Variants in CTNND2 observed in about 807,000 individuals in gnomAD.
CTNND2 encodes the protein catenin delta-2.
A neutral mutation model predicts 144.4 loss-of-function variants in CTNND2; 22 were observed. The ratio of observed to expected loss-of-function variants is 0.15; its 90% CI spans 0.11 to 0.22. CTNND2 has a LOEUF of 0.22. CTNND2 is among the 10% of genes least tolerant of loss of function. The probability of loss-of-function intolerance (pLI) is 1.00; values close to 1 mark genes in which losing one functional copy is unlikely to be tolerated. For synonymous variants in CTNND2, 751 were observed against 695.6 expected (o/e 1.08, Z -1.25); for missense variants, 1,353 against 1,618.8 (o/e 0.84, Z 2.82).
At chr5:11,646,962 C>T (rs1192114546) in intron 2 of CTNND2, among the ~76,000 whole-genome samples, 1 of 152,196 alleles carries the variant, frequency 6.6e-6, no homozygotes, top group Non-Finnish European at 1.5e-5. Flanking sequence ...GCCACACATT[C>T]TCATTGGCAT....
At chr5:11,894,761 C>T (rs897099071) in intron 1 of CTNND2, among the ~76,000 whole-genome samples, 2 of 152,168 alleles carry the variant, frequency 1.3e-5, no homozygotes, top group African/African-American at 4.8e-5. Context: ...AGGCAAGTGC[C>T]AAGCACGATT....
At chr5:10,999,621 G>A (rs557956966) in intron 18 of CTNND2, among the ~76,000 whole-genome samples, 6 of 152,300 alleles carry the variant, frequency 3.9e-5, no homozygotes, top group African/African-American at 1.2e-4. Flanking sequence ...AGCTGAAGAC[G>A]CAGCTAAGCT....
intron 1 of CTNND2, among the ~76,000 whole-genome samples, chr5:11,814,386 C>T (rs1334295438): frequency 6.6e-6 from 1 of 152,218 alleles, no homozygotes; most frequent in Non-Finnish European, 1.5e-5. Context: ...GCAGCTCAAG[C>T]CCACATGAGT....
At chr5:11,708,291 T>C (rs923361179) in intron 2 of CTNND2, among the ~76,000 whole-genome samples, 1 of 152,134 alleles carries the variant, frequency 6.6e-6, no homozygotes, top group Non-Finnish European at 1.5e-5. Flanking sequence ...ATAAATTGTA[T>C]TTAATTTTTA....
At chr5:11,259,722 G>T (rs1391411599) in intron 9 of CTNND2, among the ~76,000 whole-genome samples, 1 of 152,214 alleles carries the variant, frequency 6.6e-6, no homozygotes, top group African/African-American at 2.4e-5. Context: ...AGAAGATAAT[G>T]CAATGTGTCC....
chr5:11,144,300 T>G (rs999173320), intron 12 of CTNND2, among the ~76,000 whole-genome samples: 1 of 152,182 alleles, frequency 6.6e-6, no homozygotes, highest in Admixed American at 6.5e-5. Context: ...AAGGGTGCAT[T>G]TATTGGGCCC....
intron 1 of CTNND2, among the ~76,000 whole-genome samples, chr5:11,756,017 G>C (rs2126794987): frequency 6.6e-6 from 1 of 151,676 alleles, no homozygotes; most frequent in Admixed American, 6.6e-5. Flanking sequence ...AGCCACTCTG[G>C]CTTTCTGAGT....
At chr5:11,805,155 C>T (rs1791922283) in intron 1 of CTNND2, among the ~76,000 whole-genome samples, 1 of 151,992 alleles carries the variant, frequency 6.6e-6, no homozygotes, top group Non-Finnish European at 1.5e-5. Flanking sequence ...TTGGAGTAGG[C>T]AGATACATTT....
chr5:11,536,399 T>C (rs144824774), intron 3 of CTNND2, among the ~76,000 whole-genome samples: 1 of 152,126 alleles, frequency 6.6e-6, no homozygotes, highest in African/African-American at 2.4e-5. Context: ...GAAAAGAAGT[T>C]ATTGTACGAA....
At chr5:11,115,848 T>G (rs183898702) in intron 13 of CTNND2, among the ~76,000 whole-genome samples, 2 of 152,308 alleles carry the variant, frequency 1.3e-5, no homozygotes, top group Admixed American at 1.3e-4. Flanking sequence ...GCATCAGTGA[T>G]TTTCTAAATT....
At chr5:11,440,619 T>C (rs896615024) in intron 3 of CTNND2, among the ~76,000 whole-genome samples, 7 of 152,200 alleles carry the variant, frequency 4.6e-5, no homozygotes, top group African/African-American at 1.4e-4. Flanking sequence ...TAAAGTGTAT[T>C]TTGATTTCCT....
intron 9 of CTNND2, among the ~76,000 whole-genome samples, chr5:11,300,502 A>G (rs974313097): frequency 1.3e-5 from 2 of 152,114 alleles, no homozygotes; most frequent in African/African-American, 4.8e-5. Context: ...CCTAGTGTGA[A>G]TAACAGGCCT....
chr5:11,274,579 GTT>G (rs201191471), intron 9 of CTNND2, among the ~76,000 whole-genome samples: 4 of 144,376 alleles, frequency 2.8e-5, no homozygotes, highest in African/African-American at 2.5e-5. Flanking sequence ...TTTTGCTTTC[GTT>G]TTTTTTTTTT....
chr5:11,635,949 TTACAC>T (rs1196440502), intron 2 of CTNND2, among the ~76,000 whole-genome samples: 3 of 152,086 alleles, frequency 2.0e-5, no homozygotes, highest in South Asian at 2.1e-4. Flanking sequence ...CTGAAAACTC[TTACAC>T]TAATTTCCAG....
At position 11,387,232 on chromosome 5, in the gene CTNND2, T is replaced by C. The variant is rs1291933477; in HGVS notation, c.613-2003A>G. Among the ~76,000 whole-genome samples, 5 of 87,518 alleles carry C rather than the reference T, an allele frequency of 5.7e-5. 1 individual carries two copies. Among genetic ancestry groups the C allele is most frequent in the South Asian group, 1.0e-3 (2 of 1,916 alleles). The allele number at this position is 87,518 out of a possible 152,430, so 57.4% of individuals were successfully genotyped here. ...TTCAAAGGGAGGTCCCTGATGGTCT[T>C]TTCAGCATTAAAAAAAAAAAAATTC... On this transcript the variant is annotated intron_variant, in intron 6 of 21. Transcript: ENST00000304623.
intron 2 of CTNND2, among the ~76,000 whole-genome samples, chr5:11,652,432 G>A (rs1245093819): frequency 6.6e-6 from 1 of 152,166 alleles, no homozygotes; most frequent in Non-Finnish European, 1.5e-5. Context: ...TTAGAGCAAT[G>A]TAAGAATGGA....
chr5:11,766,041 T>C lies in CTNND2; in HGVS notation c.38-33769A>G, dbSNP rs549822381. On this transcript the variant is annotated intron_variant, in intron 1 of 21. Transcript: ENST00000304623. ...CAATTTTGGGAAATCTCATGACATA[T>C]ATAACCAGGCCTTTTAACTATTTAC... Among the ~76,000 whole-genome samples, 9 of 152,308 alleles carry C rather than the reference T, an allele frequency of 5.9e-5. No homozygotes were observed. In the South Asian group the frequency reaches 1.7e-3, roughly 28 times the overall value.
At chr5:11,458,534 C>T (rs979132539) in intron 3 of CTNND2, among the ~76,000 whole-genome samples, 22 of 152,246 alleles carry the variant, frequency 1.4e-4, no homozygotes, top group South Asian at 6.2e-4. Flanking sequence ...CGCTTTAGTG[C>T]CTGAGCAGAC....
rs1393166393 is a variant in CTNND2 at position 11,684,160 on chromosome 5, G to A, written c.174+47976C>T. The stretch of plus-strand genomic sequence containing the variant: ...TCTGTCATCCAGGCTGGAATGCAGT[G>A]GCACAATCTCGGCTCACTGCAAGCT... On this transcript the variant is annotated intron_variant, in intron 2 of 21. Transcript: ENST00000304623. 4.6e-5 allele frequency among the ~76,000 whole-genome samples: 7 copies of A among 151,566 alleles called. No individual in the cohort carries two copies. In the East Asian group the frequency reaches 1.4e-3, roughly 30 times the overall value.
Sources: gnomAD v4.1 joint callset for allele counts (sites outside exome capture counted in the v4.1 genomes callset) on GRCh38, gnomAD v4.1.1 for gene constraint, MANE v1.5 for transcripts, NCBI Gene and HGNC (gene_info 2026-07-23, HGNC 2026-07-21) for gene names.